SPACA6: variants seen among roughly 807,000 people sequenced by gnomAD.
The protein encoded by SPACA6 is sperm acrosome membrane-associated protein 6.
For missense variants in SPACA6, 8 were observed against 2.8 expected, an observed-to-expected ratio of 2.88 and a Z score of -1.34; for synonymous variants, 6 against 1.5, an observed-to-expected ratio of 4.05 and a Z score of -2.21.
downstream of SPACA6, among the ~76,000 whole-genome samples, chr19:51,708,045 T>A (rs1188945452): frequency 6.6e-6 from 1 of 152,190 alleles, no homozygotes; most frequent in African/African-American, 2.4e-5. Flanking sequence ...CATGATTGCT[T>A]ATGAACTTAG....
upstream of SPACA6, among the ~76,000 whole-genome samples, chr19:51,691,149 C>A (rs1178472345): frequency 6.6e-6 from 1 of 151,934 alleles, no homozygotes; most frequent in Admixed American, 6.6e-5. Flanking sequence ...CACCCCACCC[C>A]CAGCTCCAGA....
At chr19:51,709,402 A>C (rs958298166), downstream of SPACA6, among the ~76,000 whole-genome samples, 5 of 151,786 alleles carry the variant, frequency 3.3e-5, no homozygotes, top group Admixed American at 2.6e-4. Flanking sequence ...CTATAATCCC[A>C]GCTACTTTGG....
upstream of SPACA6, chr19:51,693,178 G>A: frequency 2.0e-6 from 1 of 505,160 alleles, no homozygotes; most frequent in Non-Finnish European, 3.9e-6. Flanking sequence ...TCTGTCTCTG[G>A]CTCTCAGAAT....
upstream of SPACA6, among the ~76,000 whole-genome samples, chr19:51,690,933 C>T (rs2083365314): frequency 6.6e-6 from 1 of 152,006 alleles, no homozygotes; most frequent in East Asian, 1.9e-4. Flanking sequence ...GGGCAGCCTC[C>T]TCCCTTCCCC....
At chr19:51,697,568 A>G (rs1303872976) in intron 2 of SPACA6, among the ~76,000 whole-genome samples, 1 of 152,136 alleles carries the variant, frequency 6.6e-6, no homozygotes, top group African/African-American at 2.4e-5. Context: ...CAAGAACAGT[A>G]GGCCCAGGAT....
downstream of SPACA6, among the ~76,000 whole-genome samples, chr19:51,707,286 T>A (rs2083520746): frequency 6.6e-6 from 1 of 150,762 alleles, no homozygotes; most frequent in Non-Finnish European, 1.5e-5. Context: ...AGTGGCACAA[T>A]CTTGGCTCAC....
rs969368728 is a variant in SPACA6, at chr19:51,693,730, C to T, written c.204C>T (p.Asp68=). ...AFTAAFQGLS[D]TEINYDERSH... ...CGGCCGCCTTCCAGGGCCTCTCTGA[C>T]ACCGAAATCAGTGAGGAGACCATCC... is the stretch of plus-strand genomic sequence containing the variant. Residue 68 remains aspartate, a synonymous_variant, in exon 1 of 9, where the codon GAC becomes GAT. Coordinates refer to ENST00000637797, the MANE Select transcript of SPACA6 (RefSeq NM_001316972.2). 8 of 406,962 alleles carry T rather than the reference C, an allele frequency of 2.0e-5. No homozygotes were observed. Among genetic ancestry groups the T allele is most frequent in the Non-Finnish European group, 3.5e-5 (8 of 229,458 alleles). 25.2% of individuals were successfully genotyped at this position (406,962 alleles called of 1,614,324 possible). A position where few individuals can be genotyped will look rare whatever the true frequency, so the allele number is the denominator to read the frequency against.
At chr19:51,685,393 A>G (rs1248276490), upstream of SPACA6, 1 of 152,176 alleles carries the variant, frequency 6.6e-6, no homozygotes, top group Non-Finnish European at 1.5e-5. Flanking sequence ...TGTATTTTGG[A>G]CTATTTTCAT....
upstream of SPACA6, among the ~76,000 whole-genome samples, chr19:51,685,156 T>C (rs1375582959): frequency 2.0e-5 from 3 of 152,222 alleles, no homozygotes; most frequent in Non-Finnish European, 2.9e-5. Context: ...TGGGATGACC[T>C]TGTGAAGGGT....
chr19:51,708,501 C>T (rs990522687), downstream of SPACA6, among the ~76,000 whole-genome samples: 5 of 152,028 alleles, frequency 3.3e-5, no homozygotes, highest in African/African-American at 7.2e-5. Context: ...AAGGGGATGA[C>T]GGTATGAGCC....
At chr19:51,706,752 C>T (rs1316648502), downstream of SPACA6, among the ~76,000 whole-genome samples, 1 of 152,230 alleles carries the variant, frequency 6.6e-6, no homozygotes, top group East Asian at 1.9e-4. Context: ...CTCCACCTCC[C>T]GGGTTCAAGC....
chr19:51,685,808 G>A (rs2083325648), upstream of SPACA6: 1 of 152,202 alleles, frequency 6.6e-6, no homozygotes, highest in Non-Finnish European at 1.5e-5. Context: ...AAGCCACTGT[G>A]CCCAGCCCCA....
upstream of SPACA6, chr19:51,692,923 A>G: frequency 1.9e-6 from 1 of 524,324 alleles, no homozygotes; most frequent in South Asian, 1.4e-5. This position sits in a 1 kb window ranked among gnomAD's most constrained non-coding sequence, Gnocchi z 5.6. Context: ...AGGGACCCTT[A>G]GCCCCACTGG....
chr19:51,709,979 C>A (rs1029149203), downstream of SPACA6, among the ~76,000 whole-genome samples: 1 of 152,180 alleles, frequency 6.6e-6, no homozygotes, highest in Non-Finnish European at 1.5e-5. Flanking sequence ...CGTCCAGTAG[C>A]GCAGCACCAG....
Position 51,701,746 on chromosome 19 carries a change from T to C in SPACA6, c.361+20T>C. The C allele has an allele frequency of 2.5e-6, 1 of 398,332 alleles. No homozygotes were observed. The highest frequency in any genetic ancestry group is 4.4e-5 in the Admixed American group (1 of 22,688). 24.7% of individuals were successfully genotyped at this position (398,332 alleles called of 1,614,324 possible). ...AAGAAGGTAAAATACACTCCATCTC[T>C]CCTTCCCCAGACACACACACACACA... On this transcript the variant is annotated intron_variant, in intron 3 of 8. Coordinates refer to ENST00000637797, the MANE Select transcript of SPACA6 (RefSeq NM_001316972.2).
upstream of SPACA6, chr19:51,687,306 A>ATACATACATAC (rs1568611549): frequency 1.6e-5 from 2 of 125,872 alleles, no homozygotes; most frequent in Non-Finnish European, 3.6e-5. Context: ...TACATACATA[A>ATACATACATAC]GCAAATCTGT....
downstream of SPACA6, among the ~76,000 whole-genome samples, chr19:51,709,634 A>G (rs1157841999): frequency 2.0e-5 from 3 of 150,702 alleles, no homozygotes; most frequent in Non-Finnish European, 4.4e-5. Context: ...AAAAAAAAGA[A>G]AAGAAATAAA....
downstream of SPACA6, among the ~76,000 whole-genome samples, chr19:51,708,858 T>TAA (rs759534089): frequency 6.1e-5 from 8 of 130,448 alleles, no homozygotes; most frequent in Non-Finnish European, 8.3e-5. Flanking sequence ...AGACTCTGTC[T>TAA]AAAAAAAAAA....
chr19:51,692,689 C>T (rs375285929), upstream of SPACA6: 3 of 533,228 alleles, frequency 5.6e-6, no homozygotes, highest in Non-Finnish European at 1.2e-5. This position sits in a 1 kb window ranked among gnomAD's most constrained non-coding sequence, Gnocchi z 5.6. Context: ...GTCGGGGGCT[C>T]ACCATCGCGG....
Sources: gnomAD v4.1 joint callset for allele counts (sites outside exome capture counted in the v4.1 genomes callset) on GRCh38, gnomAD v4.1.1 for gene constraint, Gnocchi (gnomAD v3.1) non-coding constraint, MANE v1.5 for transcripts, NCBI Gene and HGNC (gene_info 2026-07-23, HGNC 2026-07-21) for gene names.